Variants in TMEM87B observed in about 807,000 individuals in gnomAD.
The protein encoded by TMEM87B is transmembrane protein 87B.
Under a neutral mutation model 80.3 loss-of-function variants are expected in TMEM87B, and 83 were observed. That is an observed-to-expected ratio of 1.03 (90% CI 0.87 to 1.24). The LOEUF (loss-of-function observed/expected upper bound fraction) is 1.24. Among genes scored for constraint, TMEM87B ranks in the 50% most tolerant of loss-of-function variants. TMEM87B has a pLI of 0.00. For synonymous variants in TMEM87B, 219 were observed against 230.5 expected (o/e 0.95, Z 0.45); for missense variants, 625 against 674.4 (o/e 0.93, Z 0.81).
intron 4 of TMEM87B, among the ~76,000 whole-genome samples, chr2:112,068,202 G>A (rs774008061): frequency 8.5e-5 from 13 of 152,256 alleles, no homozygotes; most frequent in Non-Finnish European, 1.5e-4. Flanking sequence ...GGACAAGAGC[G>A]AGACTCCGTC....
At chr2:112,085,464 C>G (rs1679114596) in intron 8 of TMEM87B, among the ~76,000 whole-genome samples, 1 of 151,372 alleles carries the variant, frequency 6.6e-6, no homozygotes, top group Admixed American at 6.6e-5. Context: ...ATTAGACTGG[C>G]CTTCTTCCAA....
intron 17 of TMEM87B, among the ~76,000 whole-genome samples, chr2:112,112,170 CA>C (rs1679936855): frequency 6.6e-6 from 1 of 152,210 alleles, no homozygotes; most frequent in East Asian, 1.9e-4. Flanking sequence ...GGAACTTGGA[CA>C]TTTCCTTCAG....
chr2:112,082,698 G>A (rs548596763), intron 8 of TMEM87B, among the ~76,000 whole-genome samples: 1 of 152,250 alleles, frequency 6.6e-6, no homozygotes, highest in East Asian at 1.9e-4. Context: ...GCGTGCATGT[G>A]TGCTCTAAAC....
chr2:112,095,454 A>G, intron 11 of TMEM87B: 8 of 980,614 alleles, frequency 8.2e-6, no homozygotes, highest in Non-Finnish European at 9.7e-6. Context: ...TTTCAAATTT[A>G]CTTTTTATTC....
chr2:112,056,457 A>G (rs1260766447), intron 1 of TMEM87B, among the ~76,000 whole-genome samples: 4 of 152,046 alleles, frequency 2.6e-5, no homozygotes, highest in African/African-American at 9.7e-5. Flanking sequence ...GCTATTAGAA[A>G]ACTTGGCGTC....
chr2:112,069,751 G>A (rs1457387273), intron 4 of TMEM87B, among the ~76,000 whole-genome samples: 3 of 152,160 alleles, frequency 2.0e-5, no homozygotes, highest in South Asian at 2.1e-4. Flanking sequence ...TTGCCACACC[G>A]CTTTCCACAA....
chr2:112,068,138 C>T (rs62157792), intron 4 of TMEM87B, among the ~76,000 whole-genome samples: 12,585 of 152,122 alleles, frequency 0.083, 662 homozygotes, highest in South Asian at 0.19. Context: ...CACTTGAACC[C>T]GGGAGGCAGA....
intron 14 of TMEM87B, among the ~76,000 whole-genome samples, chr2:112,100,061 A>T (rs1198991341): frequency 2.6e-5 from 4 of 152,178 alleles, no homozygotes; most frequent in Admixed American, 2.6e-4. Context: ...TGCTATTATC[A>T]ATAATGTTTT....
Position 112,106,019 on chromosome 2 carries a change from A to G in TMEM87B, c.1468A>G (p.Arg490Gly). The change falls in exon 16 of 19, where the codon AGA (arginine) becomes GGA (glycine). Residue 490 changes from arginine (R) to glycine (G), a missense_variant. Coordinates refer to ENST00000283206, the MANE Select transcript of TMEM87B (RefSeq NM_032824.3). ...SENLTEGIKLRASKSVSNGTA... is the reference protein window; with the variant it reads ...SENLTEGIKLGASKSVSNGTA... Reference sequence around the variant, plus strand: ...TCTCGTAGCCGAAGGAATAAAATTAAGAGCCTCAAAATCAGTTTCCAATGG... The same window carrying G: ...TCTCGTAGCCGAAGGAATAAAATTAGGAGCCTCAAAATCAGTTTCCAATGG... 6.4e-7 allele frequency: 1 copy of G among 1,573,534 alleles called. No individual in the cohort carries two copies. Among genetic ancestry groups the G allele is most frequent in the South Asian group, 1.2e-5 (1 of 83,490 alleles).
In TMEM87B at chr2:112,089,782, A is replaced by G. The variant is rs530239618; in HGVS notation, c.1032+64A>G. ...GCTGTGAAATGTGGTTTTACTTTGT[A>G]TCTCCTGAGATGAATTTTTAGATAG... is the stretch of plus-strand genomic sequence containing the variant. On this transcript the variant is annotated intron_variant, in intron 10 of 18. Coordinates refer to ENST00000283206, the MANE Select transcript of TMEM87B (RefSeq NM_032824.3). 1.8e-5 allele frequency: 26 copies of G among 1,445,106 alleles called. No homozygotes were observed. In the African/African-American group the frequency reaches 3.7e-4, roughly 20 times the overall value. 89.5% of individuals were successfully genotyped at this position (1,445,106 alleles called of 1,614,324 possible). A position where few individuals can be genotyped will look rare whatever the true frequency, so the allele number is the denominator to read the frequency against.
chr2:112,064,390 T>C (rs185131329), intron 3 of TMEM87B, 137 bp downstream of exon 3: 31 of 704,696 alleles, frequency 4.4e-5, no homozygotes, highest in African/African-American at 1.2e-4. Context: ...TTGGGACTTA[T>C]GGCAATAAAC....
chr2:112,074,974 G>T lies in TMEM87B; in HGVS notation c.501+12G>T. ...AGGAAAGATCAATGGTAAGCAGTTTGATTTGTCTTTAAATCAAATATACAC... is the reference window on the plus strand; with the variant it reads ...AGGAAAGATCAATGGTAAGCAGTTTTATTTGTCTTTAAATCAAATATACAC... On this transcript the variant is annotated intron_variant, in intron 5 of 18. Coordinates refer to ENST00000283206, the MANE Select transcript of TMEM87B (RefSeq NM_032824.3). 3 of 1,580,000 alleles carry T rather than the reference G, an allele frequency of 1.9e-6. No homozygotes were observed. Among genetic ancestry groups the T allele is most frequent in the South Asian group, 2.3e-5 (2 of 87,756 alleles).
At chr2:112,106,637 AT>A (rs1458610705) in intron 16 of TMEM87B, among the ~76,000 whole-genome samples, 1 of 152,210 alleles carries the variant, frequency 6.6e-6, no homozygotes, top group Non-Finnish European at 1.5e-5. Flanking sequence ...GAGCTAAAAA[AT>A]ATTTTCTGCA....
rs547536134 is a variant in TMEM87B, at chr2:112,062,187, C to T, written c.227-1975C>T. ...GGTGAGATGAGAATCTGTGTTTTCA[C>T]AGAGCCAGATTTTAGTGCTTGTTAA... is the stretch of plus-strand genomic sequence containing the variant. On this transcript the variant is annotated intron_variant, in intron 2 of 18. Transcript: ENST00000283206. 1.2e-4 allele frequency among the ~76,000 whole-genome samples: 19 copies of T among 152,338 alleles called. No individual in the cohort carries two copies. The South Asian group carries it at 1.4e-3, about 12-fold the overall frequency.
At chr2:112,068,919 G>A (rs1037339559) in intron 4 of TMEM87B, among the ~76,000 whole-genome samples, 4 of 151,922 alleles carry the variant, frequency 2.6e-5, no homozygotes, top group African/African-American at 4.8e-5. Flanking sequence ...TAGGCCGGGC[G>A]CGGTGGCTCA....
chr2:112,106,225 T>C lies in TMEM87B; in HGVS notation c.1524+150T>C, dbSNP rs7599479. 5,196 of 541,688 alleles carry C rather than the reference T, an allele frequency of 9.6e-3. 234 individuals are homozygous for C. Among genetic ancestry groups the C allele is most frequent in the African/African-American group, 0.088 (4,557 of 51,496 alleles). The allele number at this position is 541,688 out of a possible 1,614,324, so 33.6% of individuals were successfully genotyped here. ...TGTTATAAAAATTAGTGTTGCCAAGTGCCAAGTAGCAATCCTGGTTGTCCA... is the reference window on the plus strand; with the variant it reads ...TGTTATAAAAATTAGTGTTGCCAAGCGCCAAGTAGCAATCCTGGTTGTCCA... On this transcript the variant is annotated intron_variant, in intron 16 of 18. Coordinates refer to ENST00000283206, the MANE Select transcript of TMEM87B (RefSeq NM_032824.3).
chr2:112,104,510 A>G (rs138924891), intron 15 of TMEM87B, among the ~76,000 whole-genome samples: 138 of 152,346 alleles, frequency 9.1e-4, no homozygotes, highest in African/African-American at 2.9e-3. Flanking sequence ...TAAGACCATA[A>G]TGAGCTGCCA....
At chr2:112,067,729 C>G (rs144291664) in intron 4 of TMEM87B, among the ~76,000 whole-genome samples, 39 of 152,356 alleles carry the variant, frequency 2.6e-4, no homozygotes, top group Non-Finnish European at 4.1e-4. Flanking sequence ...CAACTGCAGT[C>G]AGACCTTTGC....
chr2:112,055,685 C>G lies in TMEM87B; in HGVS notation c.94C>G (p.Leu32Val). 6.3e-7 allele frequency: 1 copy of G among 1,582,240 alleles called. No individual in the cohort carries two copies. Among genetic ancestry groups the G allele is most frequent in the Non-Finnish European group, 8.6e-7 (1 of 1,167,682 alleles). The change falls in exon 1 of 19, where the codon CTC becomes GTC. Residue 32 changes from leucine to valine, a missense_variant. By Grantham distance (32) the Leu-to-Val change is conservative. Transcript: ENST00000283206. ...CCCGCTGCTGCGCGTCGCCCTCTGC[C>G]TCCTGTGCTGGACCCCGGCGGCTGT... ...RAPLLRVALC[L>V]LCWTPAAVRA...
Sources: gnomAD v4.1 joint callset for allele counts (sites outside exome capture counted in the v4.1 genomes callset) on GRCh38, gnomAD v4.1.1 for gene constraint, MANE v1.5 for transcripts, NCBI Gene and HGNC (gene_info 2026-07-23, HGNC 2026-07-21) for gene names.